SCN8A: variants seen among roughly 807,000 people sequenced by gnomAD.
SCN8A encodes sodium voltage-gated channel alpha subunit 8.
Under a neutral mutation model 184.1 loss-of-function variants are expected in SCN8A, and 30 were observed. That is an observed-to-expected ratio of 0.16 (90% confidence interval 0.12 to 0.22). The LOEUF (loss-of-function observed/expected upper bound fraction) is 0.22. Ranked by LOEUF, SCN8A falls within the 10% of genes least tolerant of loss-of-function variation. The probability of loss-of-function intolerance (pLI) is 1.00; values close to 1 mark genes in which losing one functional copy is unlikely to be tolerated. For synonymous variants in SCN8A, 852 were observed against 907.0 expected (o/e 0.94, Z 1.09); for missense variants, 1,057 against 2,498.9 (o/e 0.42, Z 12.30).
At chr12:51,735,351 G>C (rs77699409) in intron 12 of SCN8A, among the ~76,000 whole-genome samples, 12 of 152,086 alleles carry the variant, frequency 7.9e-5, no homozygotes, top group African/African-American at 2.9e-4. Flanking sequence ...GTTTTGCAAA[G>C]CAATCTTCCT....
rs1309812281 is a variant in SCN8A at position 51,806,073 on chromosome 12, C to T, written c.4796-209C>T. On this transcript the variant is annotated intron_variant, in intron 26 of 26. Transcript: ENST00000627620. The surrounding 1 kb of genome is among the most constrained non-coding windows in gnomAD (Gnocchi z 8.7). The stretch of plus-strand genomic sequence containing the variant: ...CAACTCCTGGCCTCAAGTAATCCAC[C>T]TGCCTTGGCCTCCCAAAGTCCTGGG... 6.6e-6 allele frequency among the ~76,000 whole-genome samples: 1 copy of T among 152,198 alleles called. No individual in the cohort carries two copies. Among genetic ancestry groups the T allele is most frequent in the Non-Finnish European group, 1.5e-5 (1 of 68,022 alleles).
intron 1 of SCN8A, among the ~76,000 whole-genome samples, chr12:51,628,580 T>C (rs1480241534): frequency 6.6e-6 from 1 of 151,572 alleles, no homozygotes; most frequent in Admixed American, 6.6e-5. Flanking sequence ...AATCTGGGAG[T>C]GGTGGGGGGA....
chr12:51,724,043 G>A (rs950115648), intron 12 of SCN8A, among the ~76,000 whole-genome samples: 6 of 152,128 alleles, frequency 3.9e-5, no homozygotes, highest in Non-Finnish European at 1.5e-5. Flanking sequence ...CTAGACACTT[G>A]GCCGTTGCTC....
At chr12:51,780,592 T>TTC in intron 20 of SCN8A, 57 bp from the exon 21 acceptor site, 4 of 332,054 alleles carry the variant, frequency 1.2e-5, no homozygotes, top group Admixed American at 6.0e-5. Context: ...TTTTTTTTTT[T>TTC]TTTTTTTTTT....
At chr12:51,755,968 C>T (rs972989540) in intron 14 of SCN8A, among the ~76,000 whole-genome samples, 3 of 151,912 alleles carry the variant, frequency 2.0e-5, no homozygotes, top group African/African-American at 4.8e-5. Flanking sequence ...CTTCAGCACC[C>T]GAGCCGTGTC....
At chr12:51,690,099 A>T (rs1019807899) in intron 6 of SCN8A, 1 of 152,184 alleles carries the variant, frequency 6.6e-6, no homozygotes, top group African/African-American at 2.4e-5. Flanking sequence ...GAAATCTTAA[A>T]GGAAAGATAT....
intron 12 of SCN8A, among the ~76,000 whole-genome samples, chr12:51,737,246 C>T (rs1394223647): frequency 2.0e-5 from 3 of 152,032 alleles, no homozygotes; most frequent in African/African-American, 7.3e-5. Context: ...AGTTAGAGTC[C>T]GTGAATTAGT....
chr12:51,679,621 A>G (rs1322221003), intron 2 of SCN8A, among the ~76,000 whole-genome samples: 1 of 151,638 alleles, frequency 6.6e-6, no homozygotes, highest in Non-Finnish European at 1.5e-5. Flanking sequence ...GGTGCCGGGT[A>G]TATTACTTAT....
intron 1 of SCN8A, among the ~76,000 whole-genome samples, chr12:51,660,017 T>C (rs964976527): frequency 2.0e-5 from 3 of 152,168 alleles, no homozygotes; most frequent in African/African-American, 7.2e-5. Flanking sequence ...ATTACCAATG[T>C]ACAAATTATT....
At position 51,735,181 on chromosome 12, in the gene SCN8A, G is replaced by A. The variant is rs571433007; in HGVS notation, c.1999-10722G>A. 1.1e-4 allele frequency among the ~76,000 whole-genome samples: 17 copies of A among 152,206 alleles called. No homozygotes were observed. The South Asian group carries it at 1.7e-3, about 15-fold the overall frequency. On this transcript the variant is annotated intron_variant, in intron 12 of 26. Coordinates refer to ENST00000627620, the MANE Select transcript of SCN8A (RefSeq NM_001330260.2). ...GTTCCAGATAATAGGAACTTTTGCC[G>A]TACTTTTTGGTATTTCTACCATGTG...
intron 12 of SCN8A, among the ~76,000 whole-genome samples, chr12:51,736,612 G>A (rs1942330080): frequency 6.6e-6 from 1 of 152,198 alleles, no homozygotes; most frequent in African/African-American, 2.4e-5. Context: ...TAGGCCATCA[G>A]CCATTTAATT....
At chr12:51,779,527 T>C (rs535854415) in intron 20 of SCN8A, among the ~76,000 whole-genome samples, 145 of 152,288 alleles carry the variant, frequency 9.5e-4, no homozygotes, top group Non-Finnish European at 1.9e-3. Context: ...GTCCAGATAG[T>C]CCTGTTGGAA....
chr12:51,781,628 T>TTGTGCG (rs1261832089), intron 21 of SCN8A, among the ~76,000 whole-genome samples: 2 of 152,122 alleles, frequency 1.3e-5, no homozygotes, highest in Non-Finnish European at 2.9e-5. Context: ...GTTTAAACAA[T>TTGTGCG]TGTGCGTGTG....
At chr12:51,646,570 G>A (rs1198048166) in intron 1 of SCN8A, among the ~76,000 whole-genome samples, 1 of 152,188 alleles carries the variant, frequency 6.6e-6, no homozygotes, top group African/African-American at 2.4e-5. Flanking sequence ...AAAAAACTTT[G>A]CGAGAAGAAA....
intron 14 of SCN8A, among the ~76,000 whole-genome samples, chr12:51,760,495 G>A (rs1401605352): frequency 6.6e-6 from 1 of 152,164 alleles, no homozygotes; most frequent in Non-Finnish European, 1.5e-5. Flanking sequence ...ATATTCCATG[G>A]TCAATCAGCC....
intron 2 of SCN8A, among the ~76,000 whole-genome samples, chr12:51,681,024 T>A (rs57531721): frequency 0.06 from 9,150 of 151,932 alleles, 403 homozygotes; most frequent in East Asian, 0.14. Context: ...ATAATAATAA[T>A]AAATAAAAAA....
In SCN8A at chr12:51,631,543, C is replaced by A. The variant is rs191840327; in HGVS notation, c.-54-31221C>A. Among the ~76,000 whole-genome samples, 44 of 152,312 alleles carry A rather than the reference C, an allele frequency of 2.9e-4. No homozygotes were observed. The East Asian group carries it at 8.3e-3, about 29-fold the overall frequency. On this transcript the variant is annotated intron_variant, in intron 1 of 26. Coordinates refer to ENST00000627620, the MANE Select transcript of SCN8A (RefSeq NM_001330260.2). Reference sequence around the variant, plus strand: ...TAAGACCACTACCTGAAGCAGCCTCCAGTGTAGCAAGAAAGCAACATCTGT... The same window carrying A: ...TAAGACCACTACCTGAAGCAGCCTCAAGTGTAGCAAGAAAGCAACATCTGT...
Position 51,810,320 on chromosome 12 carries a change from C to A in SCN8A, c.*2891C>A. On this transcript the variant is annotated 3_prime_UTR_variant, in exon 27 of 27. Coordinates refer to ENST00000627620, the MANE Select transcript of SCN8A (RefSeq NM_001330260.2). The stretch of plus-strand genomic sequence containing the variant: ...GTCCTTCCACCTGCTCACTCACTCA[C>A]TCTCTCACCCATCCTGCTCCACACT... The A allele has an allele frequency of 2.8e-6, 1 of 352,696 alleles. No homozygotes were observed. The highest frequency in any genetic ancestry group is 5.8e-6 in the Non-Finnish European group (1 of 172,298). 21.8% of individuals were successfully genotyped at this position (352,696 alleles called of 1,614,324 possible).
chr12:51,607,230 T>C (rs908653144), intron 1 of SCN8A, among the ~76,000 whole-genome samples: 1 of 152,152 alleles, frequency 6.6e-6, no homozygotes, highest in African/African-American at 2.4e-5. Flanking sequence ...CTCTGCTTGG[T>C]TGCTGTTGGT....
Sources: gnomAD v4.1 joint callset for allele counts (sites outside exome capture counted in the v4.1 genomes callset) on GRCh38, gnomAD v4.1.1 for gene constraint, Gnocchi (gnomAD v3.1) non-coding constraint, MANE v1.5 for transcripts, NCBI Gene and HGNC (gene_info 2026-07-23, HGNC 2026-07-21) for gene names.